Variants in GRM7 observed in about 807,000 individuals in gnomAD.
GRM7 encodes the protein metabotropic glutamate receptor 7.
In GRM7, 35 loss-of-function variants were observed where a neutral mutation model predicts 84.5. The ratio of observed to expected loss-of-function variants is 0.41; its 90% CI spans 0.32 to 0.55. The LOEUF is 0.55. GRM7 is among the 20% of genes least tolerant of loss of function. GRM7 has a pLI of 0.19. For missense variants in GRM7, 1,003 were observed against 1,194.6 expected, an observed-to-expected ratio of 0.84 and a Z score of 2.36; for synonymous variants, 487 against 455.1, an observed-to-expected ratio of 1.07 and a Z score of -0.89.
rs905926071 is a variant in GRM7 at position 6,982,192 on chromosome 3, G to A, written c.519+120285G>A. Among the ~76,000 whole-genome samples, 10 of 152,264 alleles carry A rather than the reference G, an allele frequency of 6.6e-5. No individual in the cohort carries two copies. In the South Asian group the frequency reaches 8.3e-4, roughly 13 times the overall value. ...TCATTGTCCTAAGCAAATTAATGCA[G>A]GAACAGAAAACCAAATACTTCATGC... On this transcript the variant is annotated intron_variant, in intron 1 of 9. Coordinates refer to ENST00000357716, the MANE Select transcript of GRM7 (RefSeq NM_000844.4).
At chr3:7,650,010 G>A (rs993654993) in intron 8 of GRM7, among the ~76,000 whole-genome samples, 5 of 151,972 alleles carry the variant, frequency 3.3e-5, no homozygotes, top group African/African-American at 7.3e-5. Flanking sequence ...TAATTATAGG[G>A]TGACTTATTT....
At chr3:7,374,475 CATT>C (rs1254824619) in intron 4 of GRM7, among the ~76,000 whole-genome samples, 1 of 151,114 alleles carries the variant, frequency 6.6e-6, no homozygotes. Flanking sequence ...TATTTATTAT[CATT>C]ATTATTATTA....
intron 4 of GRM7, among the ~76,000 whole-genome samples, chr3:7,323,408 A>G (rs970724414): frequency 1.3e-5 from 2 of 152,310 alleles, no homozygotes; most frequent in South Asian, 4.1e-4. Context: ...CTGGCATAGT[A>G]GGATCCTAAA....
At chr3:7,661,697 G>C (rs1483500440) in intron 8 of GRM7, among the ~76,000 whole-genome samples, 1 of 145,626 alleles carries the variant, frequency 6.9e-6, no homozygotes, top group Non-Finnish European at 1.5e-5. Flanking sequence ...CGAAGGCTGA[G>C]GCAGAAGAAT....
rs1699333048 is a variant in GRM7 at position 7,486,625 on chromosome 3, T to C, written c.1515+24903T>C. ...CTGCTTCTTTCACTTCTCTGCCATG[T>C]TGACACAGCACAAGACCCTCCCCAG... On this transcript the variant is annotated intron_variant, in intron 7 of 9. Transcript: ENST00000357716. This position sits in a 1 kb window ranked among gnomAD's most constrained non-coding sequence, Gnocchi z 5.5. Among the ~76,000 whole-genome samples, 1 of 152,216 alleles carries C rather than the reference T, an allele frequency of 6.6e-6. No individual in the cohort carries two copies. The highest frequency in any genetic ancestry group is 1.5e-5 in the Non-Finnish European group (1 of 68,036).
intron 8 of GRM7, among the ~76,000 whole-genome samples, chr3:7,582,337 T>C (rs10049349): frequency 0.044 from 6,762 of 152,256 alleles, 390 homozygotes; most frequent in African/African-American, 0.13. Context: ...TAGAGCTTTG[T>C]AGCCAGTTAT....
chr3:7,208,485 A>T (rs949938208), intron 2 of GRM7, among the ~76,000 whole-genome samples: 6 of 152,166 alleles, frequency 3.9e-5, no homozygotes, highest in African/African-American at 1.4e-4. Context: ...GATTTATTTT[A>T]AAAAATCTAT....
chr3:7,672,115 A>G (rs369458475), intron 8 of GRM7, among the ~76,000 whole-genome samples: 20 of 151,716 alleles, frequency 1.3e-4, no homozygotes, highest in Non-Finnish European at 2.9e-5. Context: ...TTTTTCCATT[A>G]TATACTGGGT....
intron 1 of GRM7, among the ~76,000 whole-genome samples, chr3:7,129,265 C>G (rs958118358): frequency 2.2e-4 from 34 of 152,296 alleles, no homozygotes; most frequent in African/African-American, 7.9e-4. Flanking sequence ...GCCTTCTACA[C>G]AAATACTTCA....
At chr3:7,735,701 T>C (rs375709422) in intron 9 of GRM7, among the ~76,000 whole-genome samples, 1 of 152,208 alleles carries the variant, frequency 6.6e-6, no homozygotes, top group Non-Finnish European at 1.5e-5. Flanking sequence ...GCCTTTTAGA[T>C]GGGGCAGGTG....
chr3:7,240,120 GTTTT>G (rs397988598), intron 2 of GRM7, among the ~76,000 whole-genome samples: 22 of 52,720 alleles, frequency 4.2e-4, no homozygotes, highest in Non-Finnish European at 6.7e-4. Context: ...AGCATGTGAG[GTTTT>G]TTTTTTTTTT....
chr3:7,079,744 T>A (rs2124995679), intron 1 of GRM7, among the ~76,000 whole-genome samples: 1 of 152,248 alleles, frequency 6.6e-6, no homozygotes, highest in South Asian at 2.1e-4. Flanking sequence ...GAGATATATG[T>A]TGAATAGAGG....
intron 1 of GRM7, among the ~76,000 whole-genome samples, chr3:6,937,106 C>G (rs1697719841): frequency 6.6e-6 from 1 of 152,142 alleles, no homozygotes; most frequent in Non-Finnish European, 1.5e-5. Context: ...TTCTCTCCTG[C>G]CAAACTTTCA....
At chr3:7,199,684 A>G (rs979622612) in intron 2 of GRM7, among the ~76,000 whole-genome samples, 1 of 152,206 alleles carries the variant, frequency 6.6e-6, no homozygotes, top group Non-Finnish European at 1.5e-5. Context: ...AACGTCCTAC[A>G]ATGTCCCCCT....
intron 2 of GRM7, among the ~76,000 whole-genome samples, chr3:7,187,643 A>G (rs773765773): frequency 2.1e-5 from 3 of 145,182 alleles, no homozygotes; most frequent in Non-Finnish European, 3.0e-5. Context: ...GCTCAGGGCA[A>G]TTGCAGTCAT....
chr3:6,950,364 A>T (rs1692694220), intron 1 of GRM7, among the ~76,000 whole-genome samples: 1 of 152,168 alleles, frequency 6.6e-6, no homozygotes, highest in African/African-American at 2.4e-5. Context: ...GTGGCTGCAG[A>T]ACAGTGGATA....
At chr3:6,923,798 G>A (rs939296763) in intron 1 of GRM7, among the ~76,000 whole-genome samples, 6 of 152,180 alleles carry the variant, frequency 3.9e-5, no homozygotes, top group South Asian at 2.1e-4. Flanking sequence ...GTTTCTTCCC[G>A]TTTATGGGAC....
chr3:6,873,159 C>T (rs1695186031), intron 1 of GRM7, among the ~76,000 whole-genome samples: 1 of 152,136 alleles, frequency 6.6e-6, no homozygotes, highest in Non-Finnish European at 1.5e-5. Flanking sequence ...GCAACTTCCA[C>T]CTCCCAGGTT....
chr3:7,182,598 C>T (rs1355962520), intron 2 of GRM7, among the ~76,000 whole-genome samples: 1 of 152,200 alleles, frequency 6.6e-6, no homozygotes, highest in East Asian at 1.9e-4. Context: ...AAACCAACTC[C>T]ATCAAAGTGG....
Sources: gnomAD v4.1 joint callset for allele counts (sites outside exome capture counted in the v4.1 genomes callset) on GRCh38, gnomAD v4.1.1 for gene constraint, Gnocchi (gnomAD v3.1) non-coding constraint, MANE v1.5 for transcripts, NCBI Gene and HGNC (gene_info 2026-07-23, HGNC 2026-07-21) for gene names.